The following AP2B1 variants were observed in gnomAD, a reference collection of about 807,000 sequenced individuals.
The protein encoded by AP2B1 is AP-2 complex subunit beta.
Under a neutral mutation model 102.0 loss-of-function variants are expected in AP2B1, and 23 were observed. The observed-to-expected ratio is 0.23, with a 90% CI of 0.16 to 0.32. The LOEUF is 0.32. AP2B1 is among the 10% of genes least tolerant of loss of function. The probability of loss-of-function intolerance (pLI) is 1.00; values close to 1 mark genes in which losing one functional copy is unlikely to be tolerated. For missense variants in AP2B1, 541 were observed against 1,157.4 expected (o/e 0.47, Z 7.73); for synonymous variants, 381 against 421.2 (o/e 0.90, Z 1.17).
At chr17:35,691,881 A>G (rs1467233597) in intron 18 of AP2B1, among the ~76,000 whole-genome samples, 14 of 152,262 alleles carry the variant, frequency 9.2e-5, no homozygotes, top group Admixed American at 9.2e-4. Flanking sequence ...TCAGGACTAT[A>G]AACATATTAT....
Position 35,710,237 on chromosome 17 carries a change from G to T in AP2B1, c.2543G>T (p.Arg848Leu). The change falls in exon 20 of 22, where the codon CGC (arginine) becomes CTC (leucine). Residue 848 changes from arginine to leucine, a missense_variant. Around this residue, in one of 10 missense-constraint regions of AP2B1, gnomAD observed 117 missense variants for 206.7 expected, o/e 0.57. Transcript: ENST00000610402. ...VLFVEDGKME[R>L]QVFLATWKDI... Reference sequence around the variant, plus strand: ...TCCCCTCTGCTTTCCCATACAGAGCGCCAGGTCTTCCTTGCAACATGGAAG... The same window carrying T: ...TCCCCTCTGCTTTCCCATACAGAGCTCCAGGTCTTCCTTGCAACATGGAAG... 1.9e-6 allele frequency: 3 copies of T among 1,611,556 alleles called. No individual in the cohort carries two copies. Among genetic ancestry groups the T allele is most frequent in the Non-Finnish European group, 1.7e-6 (2 of 1,177,824 alleles).
intron 19 of AP2B1, among the ~76,000 whole-genome samples, chr17:35,709,533 A>T (rs2076406825): frequency 6.6e-6 from 1 of 152,214 alleles, no homozygotes; most frequent in Admixed American, 6.5e-5. Context: ...TGAATAATCC[A>T]GTCACCCCAG....
In AP2B1 at chr17:35,724,731, C is replaced by T. The variant is rs2085491005; in HGVS notation, c.*1032C>T. On this transcript the variant is annotated 3_prime_UTR_variant, in exon 22 of 22. Transcript: ENST00000610402. ...AGTGGCAAAGCCGAGACCGAGTCTC[C>T]TAAGTCCCCGTCAGTGTGGTTTTCA... is the stretch of plus-strand genomic sequence containing the variant. 1.3e-5 allele frequency: 2 copies of T among 152,222 alleles called. No individual in the cohort carries two copies. Among genetic ancestry groups the T allele is most frequent in the African/African-American group, 4.8e-5 (2 of 41,444 alleles). 9.4% of individuals were successfully genotyped at this position (152,222 alleles called of 1,614,324 possible). A position where few individuals can be genotyped will look rare whatever the true frequency, so the allele number is the denominator to read the frequency against.
intron 18 of AP2B1, among the ~76,000 whole-genome samples, chr17:35,695,135 A>G (rs1326625799): frequency 6.6e-6 from 1 of 152,100 alleles, no homozygotes; most frequent in African/African-American, 2.4e-5. Context: ...ATTATTGCTG[A>G]CTGTTTCTGG....
In AP2B1 at chr17:35,693,460, A is replaced by G. The variant is rs193196618; in HGVS notation, c.2454+10636A>G. ...AATCAGGTGGGCCTGTAATGAAAAC[A>G]TACTCCGTCTGAATTTATTTTCTTT... On this transcript the variant is annotated intron_variant, in intron 18 of 21. Transcript: ENST00000610402. Among the ~76,000 whole-genome samples, 3 of 152,166 alleles carry G rather than the reference A, an allele frequency of 2.0e-5. No homozygotes were observed. The South Asian group carries it at 6.2e-4, about 31-fold the overall frequency.
chr17:35,678,879 C>G (rs1283799721), intron 17 of AP2B1, among the ~76,000 whole-genome samples: 1 of 151,388 alleles, frequency 6.6e-6, no homozygotes, highest in African/African-American at 2.4e-5. Context: ...GTTGTCTTGC[C>G]CTCACCTCAC....
chr17:35,589,925 T>TTC (rs1271170817), intron 1 of AP2B1, among the ~76,000 whole-genome samples: 1 of 89,092 alleles, frequency 1.1e-5, no homozygotes, highest in Non-Finnish European at 2.3e-5. Flanking sequence ...CTGTAACTTC[T>TTC]TTTTTTTTTT....
At chr17:35,647,777 A>AT (rs2074975476) in intron 12 of AP2B1, among the ~76,000 whole-genome samples, 1 of 152,214 alleles carries the variant, frequency 6.6e-6, no homozygotes, top group African/African-American at 2.4e-5. Context: ...AAGTGGCTAA[A>AT]TCGTGAATCA....
chr17:35,718,925 T>C (rs1445352897), intron 21 of AP2B1, among the ~76,000 whole-genome samples: 3 of 152,190 alleles, frequency 2.0e-5, no homozygotes, highest in Admixed American at 6.5e-5. Context: ...GATCATGTAA[T>C]TTGTTGGTAG....
intron 18 of AP2B1, among the ~76,000 whole-genome samples, chr17:35,703,063 G>A (rs1421922576): frequency 6.6e-6 from 1 of 151,930 alleles, no homozygotes; most frequent in Non-Finnish European, 1.5e-5. Flanking sequence ...ATGAGGTCAG[G>A]AGATCGAGAC....
At chr17:35,720,573 A>ATATATATATATATATATT (rs1324333805) in intron 21 of AP2B1, among the ~76,000 whole-genome samples, 1 of 28,074 alleles carries the variant, frequency 3.6e-5, no homozygotes, top group Non-Finnish European at 6.2e-5. Context: ...ATATATATAT[A>ATATATATATATATATATT]TTTTTTTTTT....
chr17:35,694,550 C>T (rs973563487), intron 18 of AP2B1, among the ~76,000 whole-genome samples: 6 of 152,000 alleles, frequency 3.9e-5, no homozygotes, highest in East Asian at 2.0e-4. Flanking sequence ...CATGAGCCAC[C>T]GCACCCAGCC....
chr17:35,615,388 A>G (rs191607119), intron 5 of AP2B1, among the ~76,000 whole-genome samples: 1 of 152,366 alleles, frequency 6.6e-6, no homozygotes, highest in Admixed American at 6.5e-5. Context: ...GTGGCCTAAC[A>G]TTATGCACCT....
intron 17 of AP2B1, among the ~76,000 whole-genome samples, chr17:35,680,690 T>TTTTTTG (rs2075800724): frequency 1.8e-5 from 1 of 56,880 alleles, no homozygotes; most frequent in African/African-American, 9.1e-5. Context: ...GTTTTGGTTT[T>TTTTTTG]TTTTTTTTTG....
intron 12 of AP2B1, among the ~76,000 whole-genome samples, chr17:35,648,644 G>A (rs2075005543): frequency 6.6e-6 from 1 of 152,112 alleles, no homozygotes; most frequent in Non-Finnish European, 1.5e-5. Context: ...AATTAATGGT[G>A]CAGTGGGCAT....
At chr17:35,610,191 C>G (rs1361133432) in intron 5 of AP2B1, among the ~76,000 whole-genome samples, 1 of 151,682 alleles carries the variant, frequency 6.6e-6, no homozygotes, top group African/African-American at 2.4e-5. Context: ...GTCGCCCAGT[C>G]TGGAGTGCAG....
At chr17:35,632,512 T>A (rs225261) in intron 9 of AP2B1, among the ~76,000 whole-genome samples, 1 of 152,090 alleles carries the variant, frequency 6.6e-6, no homozygotes, top group Admixed American at 6.6e-5. Context: ...GTGGATCAAA[T>A]ACCAGAACAA....
chr17:35,720,603 T>C (rs12945552), intron 21 of AP2B1, among the ~76,000 whole-genome samples: 1 of 115,750 alleles, frequency 8.6e-6, no homozygotes, highest in Non-Finnish European at 1.7e-5. Context: ...TTTTTTTTAA[T>C]ATAGAGATAG....
intron 14 of AP2B1, among the ~76,000 whole-genome samples, chr17:35,665,126 CT>C (rs10635426): frequency 0.013 from 1,490 of 116,274 alleles, 9 homozygotes; most frequent in Middle Eastern, 0.064. Context: ...TTTGGAATAG[CT>C]TTTTTTTTTT....
Sources: gnomAD v4.1 joint callset for allele counts (sites outside exome capture counted in the v4.1 genomes callset) on GRCh38, gnomAD v4.1.1 for gene constraint, gnomAD v4.1.1 regional missense constraint, MANE v1.5 for transcripts, NCBI Gene and HGNC (gene_info 2026-07-23, HGNC 2026-07-21) for gene names.